MVB12B: variants seen among roughly 807,000 people sequenced by gnomAD.
The protein encoded by MVB12B is ESCRT-I complex subunit MVB12B.
MVB12B carries 16 observed loss-of-function variants against 41.6 expected under a neutral mutation model. The observed-to-expected ratio is 0.38, with a 90% confidence interval of 0.26 to 0.58. The LOEUF (loss-of-function observed/expected upper bound fraction) is 0.58. MVB12B is among the 20% of genes least tolerant of loss of function. MVB12B has a pLI of 0.62. For missense variants in MVB12B, 274 were observed against 380.2 expected (o/e 0.72, Z 2.32); for synonymous variants, 133 against 139.7 (o/e 0.95, Z 0.34).
chr9:126,487,449 A>G (rs1397885212), intron 9 of MVB12B, among the ~76,000 whole-genome samples: 3 of 152,186 alleles, frequency 2.0e-5, no homozygotes, highest in Non-Finnish European at 4.4e-5. Context: ...TCTTGGGTTT[A>G]GTGACGGGTT....
At chr9:126,502,826 G>A (rs1430671383) in intron 9 of MVB12B, among the ~76,000 whole-genome samples, 1 of 152,228 alleles carries the variant, frequency 6.6e-6, no homozygotes, top group Non-Finnish European at 1.5e-5. Flanking sequence ...CCGCTGGGTG[G>A]GAGGCCATGA....
At chr9:126,408,670 C>T (rs1183936424) in intron 6 of MVB12B, among the ~76,000 whole-genome samples, 1 of 152,092 alleles carries the variant, frequency 6.6e-6, no homozygotes, top group Non-Finnish European at 1.5e-5. Context: ...CTGGACCTAC[C>T]GTGGTCCAGT....
Position 126,367,040 on chromosome 9 carries a change from C to T in MVB12B, c.205-14024C>T, listed in dbSNP as rs538217923. Reference sequence around the variant, plus strand: ...CCAGAATCCTTCCAAGGCTTCTCTGCTAGCCCTACCTGCCAGCACCCCATC... The same window carrying T: ...CCAGAATCCTTCCAAGGCTTCTCTGTTAGCCCTACCTGCCAGCACCCCATC... On this transcript the variant is annotated intron_variant, in intron 2 of 9. Coordinates refer to ENST00000361171, the MANE Select transcript of MVB12B (RefSeq NM_033446.3). This position sits in a 1 kb window ranked among gnomAD's most constrained non-coding sequence, Gnocchi z 4.3. Among the ~76,000 whole-genome samples, 2 of 152,332 alleles carry T rather than the reference C, an allele frequency of 1.3e-5. No individual in the cohort carries two copies. Among genetic ancestry groups the T allele is most frequent in the African/African-American group, 4.8e-5 (2 of 41,584 alleles).
intron 9 of MVB12B, among the ~76,000 whole-genome samples, chr9:126,494,680 G>A (rs1204542224): frequency 6.6e-6 from 1 of 152,144 alleles, no homozygotes; most frequent in Non-Finnish European, 1.5e-5. Flanking sequence ...CAAGACAAAG[G>A]GTGGGGAGGG....
chr9:126,349,468 A>G (rs1829690195), intron 2 of MVB12B, among the ~76,000 whole-genome samples: 1 of 152,154 alleles, frequency 6.6e-6, no homozygotes, highest in Admixed American at 6.5e-5. Flanking sequence ...AGGATCTTTC[A>G]TGTTGTCGTT....
At chr9:126,354,302 A>G (rs1228621832) in intron 2 of MVB12B, among the ~76,000 whole-genome samples, 1 of 151,848 alleles carries the variant, frequency 6.6e-6, no homozygotes, top group Non-Finnish European at 1.5e-5. Context: ...CATTTTGTTG[A>G]TATGTTTGTT....
intron 2 of MVB12B, among the ~76,000 whole-genome samples, chr9:126,358,818 C>T (rs1262435886): frequency 2.0e-5 from 3 of 152,178 alleles, no homozygotes; most frequent in Non-Finnish European, 4.4e-5. Flanking sequence ...CTAGAGCATC[C>T]AGTACACTAT....
intron 1 of MVB12B, among the ~76,000 whole-genome samples, chr9:126,328,228 T>C (rs1448274059): frequency 6.6e-6 from 1 of 152,138 alleles, no homozygotes; most frequent in Non-Finnish European, 1.5e-5. Flanking sequence ...AATCTTTAAA[T>C]AGGGCCTCAG....
At chr9:126,337,394 T>G (rs1001572219) in intron 1 of MVB12B, among the ~76,000 whole-genome samples, 2 of 152,210 alleles carry the variant, frequency 1.3e-5, no homozygotes, top group Admixed American at 6.5e-5. Flanking sequence ...GAAACTGAGG[T>G]GTGAGGAAAA....
rs533681212 is a variant in MVB12B, at chr9:126,389,797, G to T, written c.410-2269G>T. On this transcript the variant is annotated intron_variant, in intron 4 of 9. Coordinates refer to ENST00000361171, the MANE Select transcript of MVB12B (RefSeq NM_033446.3). The surrounding 1 kb of genome is among the most constrained non-coding windows in gnomAD (Gnocchi z 4.4). ...AGGTTGGGTCTTGTCACACAGGAGG[G>T]TGGGCAGCAGGGGCCTCTTCATTTC... Among the ~76,000 whole-genome samples the T allele has an allele frequency of 3.9e-5, 6 of 152,254 alleles. No homozygotes were observed. The highest frequency in any genetic ancestry group is 1.4e-4 in the African/African-American group (6 of 41,534).
At chr9:126,341,498 A>C (rs1166496344) in intron 2 of MVB12B, among the ~76,000 whole-genome samples, 1 of 152,228 alleles carries the variant, frequency 6.6e-6, no homozygotes, top group African/African-American at 2.4e-5. Context: ...CATAAGAGTG[A>C]AAGAACACGA....
At chr9:126,442,379 C>T (rs1409576525) in intron 7 of MVB12B, among the ~76,000 whole-genome samples, 1 of 152,188 alleles carries the variant, frequency 6.6e-6, no homozygotes, top group Non-Finnish European at 1.5e-5. Context: ...TTAGAGTAGA[C>T]ATGGATGACC....
intron 9 of MVB12B, among the ~76,000 whole-genome samples, chr9:126,498,093 G>C (rs1459043201): frequency 1.3e-5 from 2 of 152,110 alleles, no homozygotes; most frequent in African/African-American, 4.8e-5. Context: ...CTCTCCTCCC[G>C]CAGCGTTTCA....
chr9:126,370,644 A>G (rs1045076520), intron 2 of MVB12B, among the ~76,000 whole-genome samples: 6 of 152,040 alleles, frequency 3.9e-5, no homozygotes, highest in African/African-American at 1.2e-4. Flanking sequence ...GACCTCCCAA[A>G]GTACTGGGAT....
chr9:126,391,972 C>A lies in MVB12B; in HGVS notation c.410-94C>A. On this transcript the variant is annotated intron_variant, in intron 4 of 9. Transcript: ENST00000361171. The surrounding 1 kb of genome is among the most constrained non-coding windows in gnomAD (Gnocchi z 4.4). ...CTTAGGTGACCTGCCACTTCTGCTG[C>A]CAGGAATAGGGCGTGACAGGGGATG... 1.4e-6 allele frequency: 2 copies of A among 1,452,918 alleles called. No individual in the cohort carries two copies. Among genetic ancestry groups the A allele is most frequent in the Non-Finnish European group, 1.9e-6 (2 of 1,046,210 alleles). 90.0% of individuals were successfully genotyped at this position (1,452,918 alleles called of 1,614,324 possible). A position where few individuals can be genotyped will look rare whatever the true frequency, so the allele number is the denominator to read the frequency against.
intron 6 of MVB12B, among the ~76,000 whole-genome samples, chr9:126,403,417 T>C (rs967487671): frequency 1.3e-5 from 2 of 152,202 alleles, no homozygotes; most frequent in East Asian, 3.9e-4. Flanking sequence ...CCCACATCAC[T>C]GCTAGAAAGC....
At chr9:126,433,687 C>T (rs1368018825) in intron 7 of MVB12B, among the ~76,000 whole-genome samples, 1 of 152,084 alleles carries the variant, frequency 6.6e-6, no homozygotes, top group Non-Finnish European at 1.5e-5. Flanking sequence ...TTCTCCTAAA[C>T]CCAAGCCCAA....
At chr9:126,472,847 G>A (rs767583132) in intron 7 of MVB12B, among the ~76,000 whole-genome samples, 4 of 152,136 alleles carry the variant, frequency 2.6e-5, no homozygotes, top group Non-Finnish European at 4.4e-5. Context: ...GTTGAAGCTC[G>A]TTTGTTTAGG....
At chr9:126,336,764 A>ACACACACG (rs1829294907) in intron 1 of MVB12B, among the ~76,000 whole-genome samples, 1 of 151,818 alleles carries the variant, frequency 6.6e-6, no homozygotes, top group Non-Finnish European at 1.5e-5. Context: ...GCACACACAC[A>ACACACACG]CACACACACA....
Sources: gnomAD v4.1 joint callset for allele counts (sites outside exome capture counted in the v4.1 genomes callset) on GRCh38, gnomAD v4.1.1 for gene constraint, Gnocchi (gnomAD v3.1) non-coding constraint, MANE v1.5 for transcripts, NCBI Gene and HGNC (gene_info 2026-07-23, HGNC 2026-07-21) for gene names.